The following CORO1C variants were observed in gnomAD, a reference collection of about 807,000 sequenced individuals.
CORO1C encodes coronin-1C.
In CORO1C, 14 loss-of-function variants were observed where a neutral mutation model predicts 51.2. The ratio of observed to expected loss-of-function variants is 0.27; its 90% CI spans 0.18 to 0.43. CORO1C has a LOEUF of 0.43. Among genes scored for constraint, CORO1C ranks in the 20% least tolerant of loss-of-function variants. CORO1C has a pLI of 1.00. For missense variants in CORO1C, 417 were observed against 607.8 expected, an observed-to-expected ratio of 0.69 and a Z score of 3.30; for synonymous variants, 181 against 210.5, an observed-to-expected ratio of 0.86 and a Z score of 1.21.
chr12:108,716,127 C>CAAAAAAAAAA (rs61278729), intron 1 of CORO1C, among the ~76,000 whole-genome samples: 2 of 41,092 alleles, frequency 4.9e-5, no homozygotes, highest in Non-Finnish European at 7.8e-5. Flanking sequence ...GACTCTGTCG[C>CAAAAAAAAAA]AAAAAAAAAA....
intron 3 of CORO1C, among the ~76,000 whole-genome samples, chr12:108,676,771 CAAAA>C (rs770920855): frequency 8.3e-6 from 1 of 120,678 alleles, no homozygotes; most frequent in African/African-American, 3.4e-5. Context: ...GACTCCATCC[CAAAA>C]AAAAAAAAAA....
intron 8 of CORO1C, among the ~76,000 whole-genome samples, chr12:108,651,726 C>T (rs1234738146): frequency 2.0e-5 from 3 of 152,238 alleles, no homozygotes; most frequent in African/African-American, 7.2e-5. Flanking sequence ...AGCTATGCTG[C>T]TTCATTGTTG....
chr12:108,649,122 G>A, intron 8 of CORO1C, 102 bp from the exon 9 acceptor site: 3 of 1,374,538 alleles, frequency 2.2e-6, no homozygotes, highest in East Asian at 2.3e-5. Context: ...AATGTCAAGT[G>A]CTTCTTTACC....
At chr12:108,692,820 CAG>C (rs1411455768) in intron 2 of CORO1C, among the ~76,000 whole-genome samples, 2 of 98,802 alleles carry the variant, frequency 2.0e-5, no homozygotes, top group African/African-American at 8.2e-5. Flanking sequence ...TTTTTTGAGA[CAG>C]AGTCTTGCTC....
chr12:108,654,706 T>C (rs956753011), intron 6 of CORO1C, among the ~76,000 whole-genome samples: 57 of 142,442 alleles, frequency 4.0e-4, no homozygotes, highest in Non-Finnish European at 5.7e-4. Flanking sequence ...TTTCTTTTTC[T>C]TTTTTTTTTT....
At chr12:108,692,793 G>C (rs2034541036) in intron 2 of CORO1C, among the ~76,000 whole-genome samples, 1 of 102,526 alleles carries the variant, frequency 9.8e-6, no homozygotes, top group Non-Finnish European at 1.9e-5. Context: ...TTAGACCACA[G>C]CTTTTTTTTT....
intron 2 of CORO1C, among the ~76,000 whole-genome samples, chr12:108,684,303 AG>A (rs1296205151): frequency 6.6e-6 from 1 of 152,244 alleles, no homozygotes; most frequent in Non-Finnish European, 1.5e-5. Flanking sequence ...AGTGCTGACA[AG>A]GATGTCAGGA....
intron 2 of CORO1C, among the ~76,000 whole-genome samples, chr12:108,685,742 A>G (rs2034271567): frequency 6.6e-6 from 1 of 152,218 alleles, no homozygotes; most frequent in African/African-American, 2.4e-5. Flanking sequence ...ATCCTTAAAT[A>G]AAACAGAGAA....
At position 108,646,635 on chromosome 12, in the gene CORO1C, A is replaced by G. The variant is rs1334257811; in HGVS notation, c.*768T>C. On this transcript the variant is annotated 3_prime_UTR_variant, in exon 11 of 11. Transcript: ENST00000261401. The stretch of plus-strand genomic sequence containing the variant: ...GAAGCAAAATTCCATTCTGGTACAA[A>G]CACCCAATTTCTAGAAAAGAGAAAG... 6.6e-6 allele frequency: 1 copy of G among 152,226 alleles called. No homozygotes were observed. The highest frequency in any genetic ancestry group is 2.4e-5 in the African/African-American group (1 of 41,464). 9.4% of individuals were successfully genotyped at this position (152,226 alleles called of 1,614,324 possible). A position where few individuals can be genotyped will look rare whatever the true frequency, so the allele number is the denominator to read the frequency against.
chr12:108,650,113 G>C (rs769937619), intron 8 of CORO1C, among the ~76,000 whole-genome samples: 8 of 150,618 alleles, frequency 5.3e-5, no homozygotes, highest in Non-Finnish European at 1.0e-4. Context: ...TAAAAGGAAG[G>C]TTGTGTCAAA....
At chr12:108,650,526 T>C (rs1275266306) in intron 8 of CORO1C, among the ~76,000 whole-genome samples, 2 of 152,194 alleles carry the variant, frequency 1.3e-5, no homozygotes, top group African/African-American at 2.4e-5. Flanking sequence ...GTGGTTAGTA[T>C]AGCCAATAAA....
chr12:108,662,768 C>T (rs538071752), intron 3 of CORO1C, among the ~76,000 whole-genome samples: 1 of 152,100 alleles, frequency 6.6e-6, no homozygotes, highest in South Asian at 2.1e-4. Flanking sequence ...AACAAAAATA[C>T]ACTTAATATT....
At position 108,658,166 on chromosome 12, in the gene CORO1C, C is replaced by A. The variant is rs1392967951; in HGVS notation, c.630+572G>T. On this transcript the variant is annotated intron_variant, in intron 5 of 10. Coordinates refer to ENST00000261401, the MANE Select transcript of CORO1C (RefSeq NM_014325.4). This position sits in a 1 kb window ranked among gnomAD's most constrained non-coding sequence, Gnocchi z 4.9. Reference sequence around the variant, plus strand: ...CTAAGACACTGAGCTGATGAGAGAACTTGTTGCTTTTCGCCCTGCGCATTT... The same window carrying A: ...CTAAGACACTGAGCTGATGAGAGAAATTGTTGCTTTTCGCCCTGCGCATTT... Among the ~76,000 whole-genome samples the A allele has an allele frequency of 1.3e-5, 2 of 152,152 alleles. No individual in the cohort carries two copies. The highest frequency in any genetic ancestry group is 2.9e-5 in the Non-Finnish European group (2 of 68,026).
chr12:108,661,362 G>A (rs978467480), intron 4 of CORO1C, among the ~76,000 whole-genome samples: 3 of 152,184 alleles, frequency 2.0e-5, no homozygotes, highest in Non-Finnish European at 2.9e-5. Flanking sequence ...TTAATGGCAC[G>A]TGAAAAGGGT....
At chr12:108,650,180 CTTTTTTTTTTTTT>C (rs1057367204) in intron 8 of CORO1C, among the ~76,000 whole-genome samples, 6 of 80,444 alleles carry the variant, frequency 7.5e-5, no homozygotes, top group East Asian at 4.1e-4. Flanking sequence ...AACCAAAAAC[CTTTTTTTTTTTTT>C]TTTTTTTTTT....
At chr12:108,691,766 A>AT (rs1044917238) in intron 2 of CORO1C, among the ~76,000 whole-genome samples, 1 of 152,204 alleles carries the variant, frequency 6.6e-6, no homozygotes, top group Non-Finnish European at 1.5e-5. Context: ...TGCTGTGGAC[A>AT]TATCAGTGAA....
chr12:108,680,414 G>C (rs1222589530), intron 2 of CORO1C, among the ~76,000 whole-genome samples: 1 of 152,162 alleles, frequency 6.6e-6, no homozygotes, highest in Non-Finnish European at 1.5e-5. Context: ...TTCAAAAAAG[G>C]AAATTCCAAT....
chr12:108,651,168 C>A (rs1040194209), intron 8 of CORO1C, among the ~76,000 whole-genome samples: 1 of 152,178 alleles, frequency 6.6e-6, no homozygotes, highest in African/African-American at 2.4e-5. Flanking sequence ...TATAAAAATT[C>A]TCTTCCTTTT....
Position 108,696,086 on chromosome 12 carries a change from A to AT in CORO1C, c.195+5037_195+5038insA, listed in dbSNP as rs529512869. Among the ~76,000 whole-genome samples the AT allele has an allele frequency of 1.4e-3, 214 of 152,286 alleles. 1 individual carries two copies. Among genetic ancestry groups the AT allele is most frequent in the African/African-American group, 4.8e-3 (200 of 41,572 alleles). ...ACAAAGGAGCCCATGGGAGAGAAGA[A>AT]GAGATCATGACCCAAAAAGCTAACA... is the stretch of plus-strand genomic sequence containing the variant. On this transcript the variant is annotated intron_variant, in intron 2 of 10. Coordinates refer to ENST00000261401, the MANE Select transcript of CORO1C (RefSeq NM_014325.4).
Sources: gnomAD v4.1 joint callset for allele counts (sites outside exome capture counted in the v4.1 genomes callset) on GRCh38, gnomAD v4.1.1 for gene constraint, Gnocchi (gnomAD v3.1) non-coding constraint, MANE v1.5 for transcripts, NCBI Gene and HGNC (gene_info 2026-07-23, HGNC 2026-07-21) for gene names.